NRIP1: variants seen among roughly 807,000 people sequenced by gnomAD.
The protein encoded by NRIP1 is nuclear receptor-interacting protein 1.
NRIP1 carries 28 observed loss-of-function variants against 75.0 expected under a neutral mutation model. That is an observed-to-expected ratio of 0.37 (90% CI 0.28 to 0.51). NRIP1 has a LOEUF of 0.51. NRIP1 is among the 20% of genes least tolerant of loss of function. The pLI is 0.92. For synonymous variants in NRIP1, 526 were observed against 487.6 expected, an observed-to-expected ratio of 1.08 and a Z score of -1.04; for missense variants, 1,435 against 1,343.7, an observed-to-expected ratio of 1.07 and a Z score of -1.06.
intron 3 of NRIP1, among the ~76,000 whole-genome samples, chr21:14,990,723 T>C (rs771079296): frequency 9.2e-5 from 14 of 152,216 alleles, no homozygotes; most frequent in Admixed American, 2.0e-4. Context: ...TATGTTGAAG[T>C]TGGCCAGCAA....
chr21:14,985,937 A>G (rs17000326), intron 3 of NRIP1, among the ~76,000 whole-genome samples: 2,533 of 152,344 alleles, frequency 0.017, 79 homozygotes, highest in African/African-American at 0.058. Context: ...AAAACCAGAC[A>G]TTCATTCTAA....
At chr21:15,038,994 G>T (rs1315836127) in intron 2 of NRIP1, among the ~76,000 whole-genome samples, 1 of 152,052 alleles carries the variant, frequency 6.6e-6, no homozygotes, top group Non-Finnish European at 1.5e-5. Flanking sequence ...AAATTTCATT[G>T]TATTTTTAAA....
At chr21:15,040,078 G>A (rs1372048215) in intron 2 of NRIP1, among the ~76,000 whole-genome samples, 1 of 152,048 alleles carries the variant, frequency 6.6e-6, no homozygotes, top group Admixed American at 6.5e-5. Context: ...CTCTATAGCT[G>A]TGCTGTCTAA....
At chr21:15,031,987 C>T (rs150312975) in intron 2 of NRIP1, among the ~76,000 whole-genome samples, 15 of 151,452 alleles carry the variant, frequency 9.9e-5, no homozygotes, top group African/African-American at 2.4e-4. Flanking sequence ...CTCTGGAAGG[C>T]GCTTGGAGGA....
intron 3 of NRIP1, among the ~76,000 whole-genome samples, chr21:14,990,840 TATA>T (rs923421984): frequency 3.9e-5 from 6 of 152,146 alleles, no homozygotes; most frequent in Admixed American, 2.6e-4. Flanking sequence ...TGCCTGTATT[TATA>T]ATAATAAATG....
upstream of NRIP1, among the ~76,000 whole-genome samples, chr21:15,065,535 C>CA (rs1234070654): frequency 1.3e-5 from 2 of 152,146 alleles, no homozygotes; most frequent in African/African-American, 2.4e-5. Context: ...CTTCACCCCA[C>CA]AACACGCGCT....
chr21:14,991,754 T>A (rs1336516143), intron 3 of NRIP1, among the ~76,000 whole-genome samples: 1 of 152,200 alleles, frequency 6.6e-6, no homozygotes, highest in Admixed American at 6.5e-5. Context: ...AATACTCTTG[T>A]ATAGAAAGGA....
chr21:14,974,566 T>C (rs1255009424), intron 3 of NRIP1, among the ~76,000 whole-genome samples: 1 of 152,186 alleles, frequency 6.6e-6, no homozygotes, highest in East Asian at 1.9e-4. Context: ...TAAGTATCTG[T>C]CCACTTACGA....
intron 3 of NRIP1, among the ~76,000 whole-genome samples, chr21:14,994,884 T>C (rs1344125851): frequency 2.0e-5 from 3 of 152,184 alleles, no homozygotes; most frequent in Non-Finnish European, 4.4e-5. Context: ...CTCAACAAGT[T>C]CAAGTATTCT....
chr21:14,966,303 C>T lies in NRIP1; in HGVS notation c.1890G>A (p.Leu630=), dbSNP rs531640756. The change falls in exon 4 of 4, where the codon CTG becomes CTA. Residue 630 remains leucine, a synonymous_variant. Transcript: ENST00000318948. ...QNSATFSASK[L]LQNLAQCGMQ... is the part of the protein sequence containing the mutation. ...TTCCACATTGTGCTAAATTTTGTAA[C>T]AGCTTACTGGCACTAAACGTTGCAG... 2 of 1,614,122 alleles carry T rather than the reference C, an allele frequency of 1.2e-6. No individual in the cohort carries two copies. The highest frequency in any genetic ancestry group is 4.5e-5 in the East Asian group (2 of 44,886).
At chr21:15,007,799 A>C (rs2088007682) in intron 3 of NRIP1, among the ~76,000 whole-genome samples, 1 of 152,242 alleles carries the variant, frequency 6.6e-6, no homozygotes, top group Admixed American at 6.5e-5. Context: ...AGTCCCGACT[A>C]CGTTTAGGAC....
intron 3 of NRIP1, among the ~76,000 whole-genome samples, chr21:14,974,913 G>A (rs1033668903): frequency 1.6e-4 from 24 of 151,946 alleles, no homozygotes; most frequent in Admixed American, 1.0e-3. Context: ...TTCGAGACCA[G>A]CCTGGGCAAC....
chr21:15,041,110 A>C (rs2088942226), intron 2 of NRIP1, among the ~76,000 whole-genome samples: 1 of 152,136 alleles, frequency 6.6e-6, no homozygotes, highest in Non-Finnish European at 1.5e-5. Context: ...ATGTCCACTT[A>C]CAGTGGAATG....
At position 14,964,500 on chromosome 21, in the gene NRIP1, A is replaced by G. The variant is rs1232231235; in HGVS notation, c.*216T>C. On this transcript the variant is annotated 3_prime_UTR_variant, in exon 4 of 4. Coordinates refer to ENST00000318948, the MANE Select transcript of NRIP1 (RefSeq NM_003489.4). ...TTATCTGATGCATACAGAAGTGTTAAACAACCAATTGCTAGTTCAGTAGTT... is the reference window on the plus strand; with the variant it reads ...TTATCTGATGCATACAGAAGTGTTAGACAACCAATTGCTAGTTCAGTAGTT... 2.3e-6 allele frequency: 1 copy of G among 430,636 alleles called. No individual in the cohort carries two copies. The highest frequency in any genetic ancestry group is 4.1e-6 in the Non-Finnish European group (1 of 244,998). 26.7% of individuals were successfully genotyped at this position (430,636 alleles called of 1,614,324 possible). A position where few individuals can be genotyped will look rare whatever the true frequency, so the allele number is the denominator to read the frequency against.
chr21:15,025,323 C>G (rs2088490934), intron 2 of NRIP1, among the ~76,000 whole-genome samples: 1 of 151,742 alleles, frequency 6.6e-6, no homozygotes, highest in African/African-American at 2.4e-5. Context: ...ATAATTGAAG[C>G]CTATAGGATT....
At position 14,964,819 on chromosome 21, in the gene NRIP1, T is replaced by C; in HGVS notation, c.3374A>G (p.Tyr1125Cys). 1 of 1,613,362 alleles carries C rather than the reference T, an allele frequency of 6.2e-7. No homozygotes were observed. Among genetic ancestry groups the C allele is most frequent in the Non-Finnish European group, 8.5e-7 (1 of 1,179,674 alleles). The change falls in exon 4 of 4, where the codon TAC becomes TGC. Residue 1125 changes from tyrosine to cysteine, a missense_variant. Tyr to Cys is a radical substitution (Grantham distance 194). Coordinates refer to ENST00000318948, the MANE Select transcript of NRIP1 (RefSeq NM_003489.4). ...AGCATTATTTCCCATATGGCTATTG[T>C]AAGGGCTTCTTAAATTAAAGAAAGA... is the stretch of plus-strand genomic sequence containing the variant. The part of the protein sequence containing the change: ...KASFFNLRSP[Y>C]NSHMGNNASR...
intron 3 of NRIP1, among the ~76,000 whole-genome samples, chr21:15,000,004 G>C (rs886931195): frequency 2.6e-5 from 4 of 152,150 alleles, no homozygotes; most frequent in Non-Finnish European, 4.4e-5. Context: ...CTAAGAATTA[G>C]ATTTCACAGC....
intron 3 of NRIP1, among the ~76,000 whole-genome samples, chr21:14,982,720 T>G (rs201378055): frequency 0.14 from 2,719 of 19,430 alleles, 63 homozygotes; most frequent in African/African-American, 0.43. Context: ...TTTTTTTTTG[T>G]TTTTTTTTTT....
chr21:14,974,169 A>T (rs2086984892), intron 3 of NRIP1: 1 of 152,204 alleles, frequency 6.6e-6, no homozygotes, highest in Non-Finnish European at 1.5e-5. Context: ...ATTTAAACAT[A>T]ACATTGTAAT....
Sources: gnomAD v4.1 joint callset for allele counts (sites outside exome capture counted in the v4.1 genomes callset) on GRCh38, gnomAD v4.1.1 for gene constraint, MANE v1.5 for transcripts, NCBI Gene and HGNC (gene_info 2026-07-23, HGNC 2026-07-21) for gene names.